YES1: variants seen among roughly 807,000 people sequenced by gnomAD.
YES1 encodes the protein tyrosine-protein kinase Yes.
YES1 carries 39 observed loss-of-function variants against 70.4 expected under a neutral mutation model. The ratio of observed to expected loss-of-function variants is 0.55; its 90% confidence interval spans 0.43 to 0.72. The LOEUF (loss-of-function observed/expected upper bound fraction) is 0.72, where lower values mean the gene tolerates loss of function less well. YES1 is among the 30% of genes least tolerant of loss of function. The pLI, the probability that YES1 is intolerant of heterozygous loss-of-function variation, is 0.00. For synonymous variants in YES1, 198 were observed against 218.6 expected, an observed-to-expected ratio of 0.91 and a Z score of 0.83; for missense variants, 495 against 644.8, an observed-to-expected ratio of 0.77 and a Z score of 2.52.
At chr18:791,685 T>C (rs958097365) in intron 1 of YES1, among the ~76,000 whole-genome samples, 3 of 152,216 alleles carry the variant, frequency 2.0e-5, no homozygotes, top group African/African-American at 7.2e-5. Flanking sequence ...TAACCTACTA[T>C]ATCAAAAATG....
intron 4 of YES1, 97 bp from the exon 5 acceptor site, chr18:746,148 C>T: frequency 1.3e-6 from 1 of 799,594 alleles, no homozygotes; most frequent in Non-Finnish European, 2.0e-6. Flanking sequence ...GTTTGGACGA[C>T]AAAGAATAGC....
chr18:799,189 T>C (rs1230075117), intron 1 of YES1, among the ~76,000 whole-genome samples: 1 of 152,180 alleles, frequency 6.6e-6, no homozygotes, highest in African/African-American at 2.4e-5. Context: ...CATACAGATG[T>C]CTAACTTGTG....
At chr18:783,744 T>C (rs1905798140) in intron 1 of YES1, among the ~76,000 whole-genome samples, 1 of 152,048 alleles carries the variant, frequency 6.6e-6, no homozygotes, top group South Asian at 2.1e-4. Flanking sequence ...GCCACCCAAG[T>C]AGCTGGGATT....
chr18:807,968 A>G (rs1014095652), intron 1 of YES1, among the ~76,000 whole-genome samples: 1 of 152,216 alleles, frequency 6.6e-6, no homozygotes, highest in African/African-American at 2.4e-5. Context: ...TTTGAACAAG[A>G]GAAACTGAAG....
At chr18:731,011 G>A (rs2080082382) in intron 11 of YES1, among the ~76,000 whole-genome samples, 1 of 152,140 alleles carries the variant, frequency 6.6e-6, no homozygotes, top group Admixed American at 6.5e-5. Context: ...GAGTAGAATT[G>A]TTTCATGAAG....
At chr18:796,447 A>C (rs1906547126) in intron 1 of YES1, among the ~76,000 whole-genome samples, 3 of 152,224 alleles carry the variant, frequency 2.0e-5, no homozygotes, top group African/African-American at 7.2e-5. Flanking sequence ...TATAATCAAC[A>C]GCATCAAGCT....
intron 2 of YES1, among the ~76,000 whole-genome samples, chr18:754,773 T>C (rs1335393831): frequency 4.6e-5 from 7 of 152,018 alleles, no homozygotes; most frequent in African/African-American, 9.7e-5. Context: ...TTTCCCTGAT[T>C]AACTGCAGGG....
At chr18:752,134 G>A (rs1318286269) in intron 2 of YES1, among the ~76,000 whole-genome samples, 3 of 152,174 alleles carry the variant, frequency 2.0e-5, no homozygotes, top group Non-Finnish European at 4.4e-5. Flanking sequence ...TTGAGACAAA[G>A]TCTCACTCTG....
chr18:805,120 T>C (rs1177324659), intron 1 of YES1, among the ~76,000 whole-genome samples: 1 of 152,100 alleles, frequency 6.6e-6, no homozygotes, highest in African/African-American at 2.4e-5. Context: ...ACTTAACATA[T>C]ATTCTGAGAA....
At chr18:803,100 G>A (rs1906909713) in intron 1 of YES1, among the ~76,000 whole-genome samples, 2 of 152,056 alleles carry the variant, frequency 1.3e-5, no homozygotes, top group Admixed American at 1.3e-4. Context: ...GGGCATGGTG[G>A]CTCACAACTG....
chr18:778,099 G>A (rs918027847), intron 1 of YES1, among the ~76,000 whole-genome samples: 4 of 152,090 alleles, frequency 2.6e-5, no homozygotes, highest in African/African-American at 9.7e-5. Context: ...ATGTTACCAG[G>A]ACAAGTAGGC....
At chr18:752,785 A>T (rs1271799284) in intron 2 of YES1, among the ~76,000 whole-genome samples, 2 of 152,096 alleles carry the variant, frequency 1.3e-5, no homozygotes, top group Non-Finnish European at 2.9e-5. Flanking sequence ...TGTACTAAAA[A>T]TACAAAAATT....
At chr18:749,124 G>A (rs796939569) in intron 3 of YES1, among the ~76,000 whole-genome samples, 7 of 152,170 alleles carry the variant, frequency 4.6e-5, no homozygotes, top group African/African-American at 1.7e-4. Flanking sequence ...TCATGCCACT[G>A]GACTCCAGCC....
rs1386777086 is a variant in YES1, at chr18:782,371, T to TGG, written c.-8-25538_-8-25537dup. On this transcript the variant is annotated intron_variant, in intron 1 of 11. Coordinates refer to ENST00000314574, the MANE Select transcript of YES1 (RefSeq NM_005433.4). Reference sequence around the variant, plus strand: ...CCAGCTTGGATCAGCCGCCTCCCTCTGGGTCAGCCCTCTCCAGCCAAGAGG... The same window carrying TGG: ...CCAGCTTGGATCAGCCGCCTCCCTCTGGGGGTCAGCCCTCTCCAGCCAAGAGG... 2.0e-5 allele frequency among the ~76,000 whole-genome samples: 3 copies of TGG among 152,166 alleles called. No individual in the cohort carries two copies. In the South Asian group the frequency reaches 6.2e-4, roughly 32 times the overall value.
At chr18:801,940 A>G (rs1276376302) in intron 1 of YES1, among the ~76,000 whole-genome samples, 2 of 149,822 alleles carry the variant, frequency 1.3e-5, no homozygotes, top group African/African-American at 4.8e-5. Context: ...GACTTACTAT[A>G]TCATTTTCCA....
Position 750,690 on chromosome 18 carries a change from A to C in YES1, c.371+1015T>G, listed in dbSNP as rs924737929. ...GGTGCTATGTAAACACCTAAGAGAGATACTTAATCCAGCAGGGGATAAGGA... is the reference window on the plus strand; with the variant it reads ...GGTGCTATGTAAACACCTAAGAGAGCTACTTAATCCAGCAGGGGATAAGGA... On this transcript the variant is annotated intron_variant, in intron 3 of 11. Transcript: ENST00000314574. Among the ~76,000 whole-genome samples the C allele has an allele frequency of 5.9e-5, 9 of 152,312 alleles. No homozygotes were observed. In the East Asian group the frequency reaches 1.5e-3, roughly 26 times the overall value.
chr18:748,098 GAAGTAAACA>G (rs2080301642), intron 3 of YES1, 80 bp from the exon 4 acceptor site: 1 of 1,134,534 alleles, frequency 8.8e-7, no homozygotes, highest in South Asian at 1.4e-5. Context: ...TCTTGTATCT[GAAGTAAACA>G]AAGGGTATTA....
At chr18:772,643 G>A (rs898490191) in intron 1 of YES1, among the ~76,000 whole-genome samples, 3 of 151,994 alleles carry the variant, frequency 2.0e-5, no homozygotes, top group Admixed American at 6.6e-5. Context: ...TGTTGGTCAG[G>A]CTGGTCTCAA....
intron 1 of YES1, among the ~76,000 whole-genome samples, chr18:760,359 A>G (rs1055241839): frequency 6.6e-6 from 1 of 152,080 alleles, no homozygotes; most frequent in Non-Finnish European, 1.5e-5. Context: ...AGTCCCCGCT[A>G]CTCGGGAGGC....
Sources: allele counts gnomAD v4.1 joint callset (sites outside exome capture counted in the v4.1 genomes callset), GRCh38; gene constraint gnomAD v4.1.1; transcripts MANE v1.5; gene names NCBI Gene and HGNC (gene_info 2026-07-23, HGNC 2026-07-21).